The following MAF variants were observed in gnomAD, a reference collection of about 807,000 sequenced individuals.
The protein encoded by MAF is MAF bZIP transcription factor.
A neutral mutation model predicts 22.0 loss-of-function variants in MAF; 10 were observed. That is an observed-to-expected ratio of 0.45 (90% CI 0.28 to 0.77). The LOEUF (loss-of-function observed/expected upper bound fraction) is 0.77, where lower values mean the gene tolerates loss of function less well. Among genes scored for constraint, MAF ranks in the 30% least tolerant of loss-of-function variants. The pLI, the probability that MAF is intolerant of heterozygous loss-of-function variation, is 0.12. For synonymous variants in MAF, 337 were observed against 255.8 expected (o/e 1.32, Z -3.03); for missense variants, 544 against 548.4 (o/e 0.99, Z 0.08).
At chr16:79,573,004 A>C in the MAF span, among the ~76,000 whole-genome samples, 1 of 152,188 alleles carries the variant, frequency 6.6e-6, no homozygotes, top group Non-Finnish European at 1.5e-5. Flanking sequence ...AGAAAATATC[A>C]TTATTATGTG....
the MAF span, among the ~76,000 whole-genome samples, chr16:79,550,517 A>G: frequency 8.5e-5 from 13 of 152,302 alleles, no homozygotes; most frequent in Non-Finnish European, 1.6e-4. Context: ...CATGTGACCC[A>G]TTGGGACAGA....
the MAF span, among the ~76,000 whole-genome samples, chr16:79,360,861 G>A: frequency 3.3e-5 from 5 of 152,154 alleles, no homozygotes; most frequent in Admixed American, 2.6e-4. Context: ...CCTTTAACTG[G>A]AGTTGCTCCT....
At chr16:79,211,558 A>ATCAC in the MAF span, 2 of 1,606,546 alleles carry the variant, frequency 1.2e-6, no homozygotes, top group Non-Finnish European at 1.7e-6. Context: ...ACGCCATCTC[A>ATCAC]TCACTCCTTT....
At chr16:79,552,640 C>T in the MAF span, among the ~76,000 whole-genome samples, 516 of 152,268 alleles carry the variant, frequency 3.4e-3, 2 homozygotes, top group African/African-American at 0.012. Flanking sequence ...CCCTTGGGCC[C>T]CTCGGTGTTC....
chr16:79,211,032 G>GGTGT, the MAF span, among the ~76,000 whole-genome samples: 1 of 30,442 alleles, frequency 3.3e-5, no homozygotes, highest in Non-Finnish European at 7.0e-5. Context: ...TGTATGGTGA[G>GGTGT]GAGTGTGTGT....
At chr16:79,587,134 G>C (rs112001276) in intron 1 of MAF, among the ~76,000 whole-genome samples, 1 of 152,094 alleles carries the variant, frequency 6.6e-6, no homozygotes, top group South Asian at 2.1e-4. Flanking sequence ...CACAGCACTC[G>C]GATAAATCAT....
the MAF span, among the ~76,000 whole-genome samples, chr16:79,332,894 A>G: frequency 6.6e-6 from 1 of 152,176 alleles, no homozygotes; most frequent in East Asian, 1.9e-4. Context: ...CCTGCCCCAC[A>G]GTTCTCCAAG....
chr16:79,377,964 T>C, the MAF span, among the ~76,000 whole-genome samples: 1 of 152,342 alleles, frequency 6.6e-6, no homozygotes, highest in Middle Eastern at 3.4e-3. Flanking sequence ...GGTAGCATGA[T>C]GCCTCCAGCT....
chr16:79,586,599 G>T (rs1287501256), intron 1 of MAF, among the ~76,000 whole-genome samples: 1 of 152,138 alleles, frequency 6.6e-6, no homozygotes, highest in Non-Finnish European at 1.5e-5. Context: ...AAATCTTTTT[G>T]CTTCACAGTG....
the MAF span, among the ~76,000 whole-genome samples, chr16:79,533,324 G>T: frequency 6.6e-6 from 1 of 152,094 alleles, no homozygotes; most frequent in Non-Finnish European, 1.5e-5. Context: ...GTCAGAAGAG[G>T]TTTCCACCCA....
At chr16:79,459,056 T>C in the MAF span, among the ~76,000 whole-genome samples, 2 of 152,186 alleles carry the variant, frequency 1.3e-5, no homozygotes, top group African/African-American at 4.8e-5. Context: ...CTGAGCTAAG[T>C]GCTTCATGTA....
At chr16:79,433,415 G>A in the MAF span, among the ~76,000 whole-genome samples, 2 of 151,020 alleles carry the variant, frequency 1.3e-5, no homozygotes, top group Non-Finnish European at 2.9e-5. Context: ...TTTTTGCCTT[G>A]GCCACCAGGG....
the MAF span, among the ~76,000 whole-genome samples, chr16:79,526,724 G>C: frequency 6.6e-6 from 1 of 152,154 alleles, no homozygotes; most frequent in African/African-American, 2.4e-5. Context: ...CGTAGCATTT[G>C]TTCATTTCTG....
downstream of MAF, among the ~76,000 whole-genome samples, chr16:79,591,589 T>C (rs1012687151): frequency 2.0e-5 from 3 of 152,338 alleles, no homozygotes; most frequent in Non-Finnish European, 2.9e-5. Context: ...ATTCCAGTCA[T>C]AGTCGTGGAA....
chr16:79,319,836 T>C, the MAF span, among the ~76,000 whole-genome samples: 1 of 152,158 alleles, frequency 6.6e-6, no homozygotes, highest in Non-Finnish European at 1.5e-5. Context: ...AATACGGAAA[T>C]ACATCATTTT....
At chr16:79,518,369 G>T in the MAF span, among the ~76,000 whole-genome samples, 2 of 152,164 alleles carry the variant, frequency 1.3e-5, no homozygotes, top group African/African-American at 2.4e-5. Flanking sequence ...GAGCTCCCTG[G>T]CTGGCTGGAG....
chr16:79,217,262 C>G, the MAF span, among the ~76,000 whole-genome samples: 7 of 152,214 alleles, frequency 4.6e-5, no homozygotes, highest in Non-Finnish European at 1.0e-4. Context: ...ACAGCAGAGT[C>G]AGGATGTGAA....
At chr16:79,244,367 G>T in the MAF span, among the ~76,000 whole-genome samples, 1 of 152,052 alleles carries the variant, frequency 6.6e-6, no homozygotes, top group South Asian at 2.1e-4. Context: ...CTTCAGCAAA[G>T]TCTCAGCATA....
chr16:79,582,922 G>A (rs553005878), downstream of MAF, among the ~76,000 whole-genome samples: 2 of 152,286 alleles, frequency 1.3e-5, no homozygotes, highest in East Asian at 3.9e-4. Context: ...CAGCCACCTG[G>A]ATTTTTCAAA....
Sources: allele counts gnomAD v4.1 joint callset (sites outside exome capture counted in the v4.1 genomes callset), GRCh38; gene constraint gnomAD v4.1.1; transcripts MANE v1.5; gene names NCBI Gene and HGNC (gene_info 2026-07-23, HGNC 2026-07-21).